Variants in WNK1 observed in about 807,000 individuals in gnomAD.
The protein encoded by WNK1 is WNK lysine deficient protein kinase 1, also known as serine/threonine-protein kinase WNK1.
In WNK1, 38 loss-of-function variants were observed where a neutral mutation model predicts 222.8. The observed-to-expected ratio is 0.17, with a 90% CI of 0.13 to 0.22. The LOEUF is 0.22. Ranked by LOEUF, WNK1 falls within the 10% of genes least tolerant of loss-of-function variation. WNK1 has a pLI of 1.00. For synonymous variants in WNK1, 1,090 were observed against 1,092.9 expected, an observed-to-expected ratio of 1.00 and a Z score of 0.05; for missense variants, 2,348 against 2,918.4, an observed-to-expected ratio of 0.80 and a Z score of 4.50.
In WNK1 at chr12:911,386, TCA is replaced by T; in HGVS notation, c.*2595_*2596del. 1 of 398,666 alleles carries T rather than the reference TCA, an allele frequency of 2.5e-6. No homozygotes were observed. The highest frequency in any genetic ancestry group is 3.6e-5 in the East Asian group (1 of 28,078). 24.7% of individuals were successfully genotyped at this position (398,666 alleles called of 1,614,324 possible). A position where few individuals can be genotyped will look rare whatever the true frequency, so the allele number is the denominator to read the frequency against. ...TTCTTGTAAGATTGCGCTTTGTGCTTCAGTTTGTTACCTTTGTAGACTTATTT... is the reference window on the plus strand; with the variant it reads ...TTCTTGTAAGATTGCGCTTTGTGCTTGTTTGTTACCTTTGTAGACTTATTT... On this transcript the variant is annotated 3_prime_UTR_variant, in exon 28 of 28. Transcript: ENST00000315939.
intron 1 of WNK1, among the ~76,000 whole-genome samples, chr12:785,601 G>T (rs1009956011): frequency 1.3e-5 from 2 of 151,994 alleles, no homozygotes; most frequent in African/African-American, 2.4e-5. Flanking sequence ...GTTTCACCGT[G>T]TTCGCCAGGG....
At position 885,897 on chromosome 12, in the gene WNK1, C is replaced by A; in HGVS notation, c.5093C>A (p.Ala1698Glu). ...CCAGGCATCCCAACTACTGCTGTTG[C>A]ACCAAGCAAACTCCTGACTTCTACC... ...VTPGIPTTAVAPSKLLTSTTS... is the reference protein window; with the variant it reads ...VTPGIPTTAVEPSKLLTSTTS... The change falls in exon 19 of 28, where the codon GCA (alanine) becomes GAA (glutamate). Residue 1698 changes from alanine (A) to glutamate (E), a missense_variant. By Grantham distance (107) the Ala-to-Glu change is moderately radical. Around this residue, in one of 13 missense-constraint regions of WNK1, gnomAD observed 1,144 missense variants for 1,273.6 expected, o/e 0.90. Coordinates refer to ENST00000315939, the MANE Select transcript of WNK1 (RefSeq NM_018979.4). 1 of 1,610,272 alleles carries A rather than the reference C, an allele frequency of 6.2e-7. No homozygotes were observed. Among genetic ancestry groups the A allele is most frequent in the Non-Finnish European group, 8.5e-7 (1 of 1,177,378 alleles).
rs2154084153 is a variant in WNK1, at chr12:885,100, A to T, written c.4296A>T (p.Gln1432His). The change falls in exon 19 of 28, where the codon CAA becomes CAT. Residue 1432 changes from glutamine to histidine, a missense_variant. Physicochemically the swap from Gln to His is conservative, Grantham distance 24. This residue lies in a region of WNK1 where 1,144 missense variants were observed against 1,273.6 expected (regional missense o/e 0.90). Transcript: ENST00000315939. ...VSISTTSPSL[Q>H]VPTSTSEIVV... ...TATCTACTACATCCCCGTCACTTCA[A>T]GTCCCCACATCCACATCTGAGATCG... 1.2e-6 allele frequency: 2 copies of T among 1,614,214 alleles called. No individual in the cohort carries two copies. The highest frequency in any genetic ancestry group is 4.5e-5 in the East Asian group (2 of 44,890).
At chr12:754,918 TTAAAC>T (rs1939764099) in intron 1 of WNK1, among the ~76,000 whole-genome samples, 2 of 152,248 alleles carry the variant, frequency 1.3e-5, no homozygotes, top group Non-Finnish European at 2.9e-5. Context: ...CTGACGTTCA[TTAAAC>T]TAATGTCTTT....
chr12:906,887 T>A, intron 26 of WNK1: 1 of 397,956 alleles, frequency 2.5e-6, no homozygotes, highest in Non-Finnish European at 3.4e-6. Context: ...AGTAAAAAAT[T>A]AACTGGGTGT....
chr12:907,371 A>G (rs1955799197), intron 26 of WNK1, among the ~76,000 whole-genome samples: 1 of 151,994 alleles, frequency 6.6e-6, no homozygotes, highest in South Asian at 2.1e-4. Flanking sequence ...TGGTTTGGAA[A>G]CCCACCTTCT....
chr12:780,017 T>C (rs1943540888), intron 1 of WNK1, among the ~76,000 whole-genome samples: 1 of 152,078 alleles, frequency 6.6e-6, no homozygotes, highest in Non-Finnish European at 1.5e-5. Flanking sequence ...TAATGGGTAA[T>C]GTTGTTTTCT....
In WNK1 at chr12:883,495, G is replaced by A. The variant is rs1592165053; in HGVS notation, c.3590G>A (p.Ser1197Asn). ...KADEMLSEDV[S>N]VEPEGDQGLE... is the part of the protein sequence containing the mutation. ...GATGAAATGCTCAGTGAGGATGTCA[G>A]TGTGGAACCAGAGGGTGATCAGGGA... The change falls in exon 16 of 28, where the codon AGT becomes AAT. Residue 1197 changes from serine (S) to asparagine (N), a missense_variant. By Grantham distance (46) the Ser-to-Asn change is conservative (BLOSUM62 1). Around this residue, in one of 13 missense-constraint regions of WNK1, gnomAD observed 1,144 missense variants for 1,273.6 expected, o/e 0.90. Transcript: ENST00000315939. 1 of 1,614,186 alleles carries A rather than the reference G, an allele frequency of 6.2e-7. No individual in the cohort carries two copies. Among genetic ancestry groups the A allele is most frequent in the Middle Eastern group, 1.6e-4 (1 of 6,062 alleles).
Position 880,928 on chromosome 12 carries a change from G to T in WNK1, c.3040G>T (p.Val1014Phe). ...TCCTATGGGTGGTGTAGGAGGACAG[G>T]TTCAAGTGTCCCAGCCAGGAGGGAG... ...LVPMGGVGGQ[V>F]QVSQPGGSLA... Residue 1014 changes from valine (V) to phenylalanine (F), a missense_variant, in exon 12 of 28, where the codon GTT becomes TTT. Physicochemically the swap from Val to Phe is conservative, Grantham distance 50. Around this residue, in one of 13 missense-constraint regions of WNK1, gnomAD observed 547 missense variants for 558.3 expected, o/e 0.98. Transcript: ENST00000315939. 1 of 1,614,146 alleles carries T rather than the reference G, an allele frequency of 6.2e-7. No individual in the cohort carries two copies. The highest frequency in any genetic ancestry group is 8.5e-7 in the Non-Finnish European group (1 of 1,180,020).
intron 4 of WNK1, among the ~76,000 whole-genome samples, chr12:835,845 T>C (rs1949136908): frequency 6.6e-6 from 1 of 151,966 alleles, no homozygotes; most frequent in African/African-American, 2.4e-5. Context: ...TTGCAGCTAC[T>C]TGGGAGGCTG....
At chr12:832,069 T>G (rs185001616) in intron 4 of WNK1, among the ~76,000 whole-genome samples, 2 of 152,098 alleles carry the variant, frequency 1.3e-5, no homozygotes, top group African/African-American at 4.8e-5. Context: ...TTATTTTTAA[T>G]TTTTTATTTA....
chr12:753,553 C>G lies in WNK1; in HGVS notation c.-13C>G, dbSNP rs1457729929. 2.5e-6 allele frequency: 4 copies of G among 1,612,008 alleles called. No homozygotes were observed. The highest frequency in any genetic ancestry group is 2.5e-6 in the Non-Finnish European group (3 of 1,179,898). On this transcript the variant is annotated 5_prime_UTR_variant, in exon 1 of 28. Transcript: ENST00000315939. This position sits in a 1 kb window ranked among gnomAD's most constrained non-coding sequence, Gnocchi z 5.2. ...GAATCCGAGCCCGCTCGCCTCTCTCCAGCGAACCGACCATGTCTGGCGGCG... is the reference window on the plus strand; with the variant it reads ...GAATCCGAGCCCGCTCGCCTCTCTCGAGCGAACCGACCATGTCTGGCGGCG...
At chr12:869,309 A>C in intron 8 of WNK1, 1 of 684,856 alleles carries the variant, frequency 1.5e-6, no homozygotes, top group Non-Finnish European at 2.5e-6. Context: ...TGATTTACCT[A>C]TTATATGTGA....
chr12:864,133 C>T (rs1157745772), intron 8 of WNK1, among the ~76,000 whole-genome samples: 13 of 106,374 alleles, frequency 1.2e-4, no homozygotes, highest in Middle Eastern at 4.9e-3. Flanking sequence ...TTTTTGACAG[C>T]GTCTCACTCT....
At chr12:782,343 C>A (rs1212845220) in intron 1 of WNK1, among the ~76,000 whole-genome samples, 1 of 152,102 alleles carries the variant, frequency 6.6e-6, no homozygotes, top group South Asian at 2.1e-4. Flanking sequence ...ATTTAGTTCT[C>A]TCAATAACTA....
rs376606314 is a variant in WNK1 at position 868,764 on chromosome 12, G to A, written c.2140-2501G>A. On this transcript the variant is annotated intron_variant, in intron 8 of 27. Transcript: ENST00000315939. ...CCTCCTCAATCAGTTGGATTACATG[G>A]CTACTTGCAGCCTGTGACTGAAGAA... The A allele has an allele frequency of 1.7e-5, 28 of 1,613,896 alleles. No individual in the cohort carries two copies. The highest frequency in any genetic ancestry group is 2.0e-5 in the Non-Finnish European group (24 of 1,179,908).
intron 2 of WNK1, among the ~76,000 whole-genome samples, chr12:820,176 T>C (rs1459367805): frequency 1.3e-5 from 2 of 152,204 alleles, no homozygotes; most frequent in Admixed American, 6.5e-5. Flanking sequence ...TTAACTATAT[T>C]GTCTTCTAAT....
At chr12:798,394 G>A (rs183649230) in intron 1 of WNK1, among the ~76,000 whole-genome samples, 16 of 152,212 alleles carry the variant, frequency 1.1e-4, no homozygotes, top group Admixed American at 4.6e-4. Context: ...GAGTTTCACT[G>A]TGTTAGCCAG....
Position 758,035 on chromosome 12 carries a change from T to TAA in WNK1, c.759+3729_759+3730dup, listed in dbSNP as rs71051381. Among the ~76,000 whole-genome samples the TAA allele has an allele frequency of 5.7e-3, 668 of 116,258 alleles. 11 individuals are homozygous for TAA. Among genetic ancestry groups the TAA allele is most frequent in the African/African-American group, 0.019 (613 of 32,572 alleles). The allele number at this position is 116,258 out of a possible 152,430, so 76.3% of individuals were successfully genotyped here. ...GGGTGACAGGGTGAGACTCTGTCTC[T>TAA]AAAAAAAAAAAAAAAAAAAGAAAGA... On this transcript the variant is annotated intron_variant, in intron 1 of 27. Transcript: ENST00000315939.
Sources: allele counts gnomAD v4.1 joint callset (sites outside exome capture counted in the v4.1 genomes callset), GRCh38; gene constraint gnomAD v4.1.1; regional missense constraint gnomAD v4.1.1; non-coding constraint Gnocchi (gnomAD v3.1); transcripts MANE v1.5; gene names NCBI Gene and HGNC (gene_info 2026-07-23, HGNC 2026-07-21).